Variants in SPATA13 observed in about 807,000 individuals in gnomAD.
SPATA13 encodes the protein spermatogenesis-associated protein 13.
In SPATA13, 50 loss-of-function variants were observed where a neutral mutation model predicts 104.0. The observed-to-expected ratio is 0.48, with a 90% CI of 0.38 to 0.61. The LOEUF (loss-of-function observed/expected upper bound fraction) is 0.61. Among genes scored for constraint, SPATA13 ranks in the 20% least tolerant of loss-of-function variants. The probability of loss-of-function intolerance (pLI) is 0.00; values close to 1 mark genes in which losing one functional copy is unlikely to be tolerated. For synonymous variants in SPATA13, 606 were observed against 667.5 expected (o/e 0.91, Z 1.42); for missense variants, 1,524 against 1,690.6 (o/e 0.90, Z 1.73).
chr13:24,049,549 G>A (rs1448253295), intron 3 of SPATA13, among the ~76,000 whole-genome samples: 1 of 152,110 alleles, frequency 6.6e-6, no homozygotes, highest in East Asian at 1.9e-4. Flanking sequence ...CTAAGAAGGT[G>A]TTGGTGGTCA....
intron 3 of SPATA13, among the ~76,000 whole-genome samples, chr13:24,025,907 G>T (rs1877192770): frequency 6.6e-6 from 1 of 151,356 alleles, no homozygotes. Flanking sequence ...CAGGTTCAAA[G>T]GATTCTCCTG....
In SPATA13 at chr13:24,189,646, TA is replaced by T. The variant is rs374604265; in HGVS notation, c.-112+28715del. On this transcript the variant is annotated intron_variant, in intron 1 of 12. Transcript: ENST00000382108. The stretch of plus-strand genomic sequence containing the variant: ...TTATATAAATATATATATTTATATA[TA>T]TATTATATATTATATATTTATATAT... Among the ~76,000 whole-genome samples, 2 of 9,180 alleles carry T rather than the reference TA, an allele frequency of 2.2e-4. 1 individual carries two copies. The highest frequency in any genetic ancestry group is 4.3e-3 in the Non-Finnish European group (2 of 462). 6.0% of individuals were successfully genotyped at this position (9,180 alleles called of 152,430 possible).
At chr13:24,173,673 G>T (rs775253687) in intron 1 of SPATA13, among the ~76,000 whole-genome samples, 4 of 152,018 alleles carry the variant, frequency 2.6e-5, no homozygotes, top group Non-Finnish European at 5.9e-5. Flanking sequence ...TGAAGAATGG[G>T]TGTTGAATTT....
chr13:24,204,036 G>T (rs1870564043), intron 1 of SPATA13, among the ~76,000 whole-genome samples: 1 of 152,124 alleles, frequency 6.6e-6, no homozygotes, highest in Non-Finnish European at 1.5e-5. Flanking sequence ...CTGCACAGCT[G>T]CTTGGTTTAA....
intron 5 of SPATA13, among the ~76,000 whole-genome samples, chr13:24,285,235 C>T (rs1450008652): frequency 6.6e-6 from 1 of 152,120 alleles, no homozygotes; most frequent in Non-Finnish European, 1.5e-5. Flanking sequence ...CAAGATCATG[C>T]TATGTTCTCT....
intron 3 of SPATA13, among the ~76,000 whole-genome samples, chr13:24,082,901 T>C (rs1015796684): frequency 2.0e-5 from 3 of 149,456 alleles, no homozygotes; most frequent in African/African-American, 7.4e-5. Flanking sequence ...GAAAAACTTC[T>C]AAATCGTCTC....
intron 1 of SPATA13, among the ~76,000 whole-genome samples, chr13:24,204,176 G>C (rs1870572159): frequency 6.6e-6 from 1 of 152,232 alleles, no homozygotes; most frequent in Admixed American, 6.5e-5. Context: ...CCGAATGCCT[G>C]TTATGTGTTA....
intron 1 of SPATA13, among the ~76,000 whole-genome samples, chr13:24,203,543 A>G (rs977473561): frequency 6.6e-6 from 1 of 152,026 alleles, no homozygotes; most frequent in Admixed American, 6.5e-5. Flanking sequence ...TGGATGTGAC[A>G]TGTAAGGCTC....
At chr13:24,048,994 G>A (rs902954454) in intron 3 of SPATA13, among the ~76,000 whole-genome samples, 10 of 152,058 alleles carry the variant, frequency 6.6e-5, no homozygotes, top group African/African-American at 2.4e-4. Flanking sequence ...GAAATTAATT[G>A]GGATAGGAAC....
rs746941083 is a variant in SPATA13 at position 24,140,470 on chromosome 13, G to A, written c.-111-82349G>A. The stretch of plus-strand genomic sequence containing the variant: ...AACCTTTATAAACAAGAAATTTAGT[G>A]GAACCTGGGTTAAGCGATTCTGGAA... On this transcript the variant is annotated intron_variant, in intron 3 of 14. Coordinates refer to the SPATA13 transcript ENST00000424834. Among the ~76,000 whole-genome samples the A allele has an allele frequency of 9.0e-4, 137 of 152,200 alleles. 1 individual carries two copies. Among genetic ancestry groups the A allele is most frequent in the Non-Finnish European group, 8.2e-4 (56 of 68,036 alleles).
At chr13:24,149,705 C>T (rs534149923) in intron 3 of SPATA13, among the ~76,000 whole-genome samples, 24 of 152,172 alleles carry the variant, frequency 1.6e-4, no homozygotes, top group Admixed American at 4.6e-4. Flanking sequence ...AGCTCCCACC[C>T]ATGTGGGGAA....
chr13:24,286,083 TG>T lies in SPATA13; in HGVS notation c.2302-129del. On this transcript the variant is annotated intron_variant, in intron 5 of 12. Coordinates refer to ENST00000382108, the MANE Select transcript of SPATA13 (RefSeq NM_001166271.3). The surrounding 1 kb of genome is among the most constrained non-coding windows in gnomAD (Gnocchi z 4.9). ...TGTGTAACCAGTCACATAGTCAGTG[TG>T]GACCAAATGCCACCAGCATATCCAA... The T allele has an allele frequency of 1.2e-6, 1 of 837,002 alleles. No individual in the cohort carries two copies. The allele number at this position is 837,002 out of a possible 1,614,324, so 51.8% of individuals were successfully genotyped here.
chr13:24,256,374 T>A (rs79445263), intron 4 of SPATA13, among the ~76,000 whole-genome samples: 2,297 of 152,206 alleles, frequency 0.015, 58 homozygotes, highest in Admixed American at 0.047. Context: ...GTGCTTGGGG[T>A]GATGATATGC....
chr13:24,159,581 T>C (rs1882382548), upstream of SPATA13, among the ~76,000 whole-genome samples: 1 of 152,188 alleles, frequency 6.6e-6, no homozygotes, highest in African/African-American at 2.4e-5. Flanking sequence ...GCCCATGTTG[T>C]TACATTAAGA....
At chr13:24,080,851 TC>T (rs796506306) in intron 3 of SPATA13, among the ~76,000 whole-genome samples, 23 of 152,316 alleles carry the variant, frequency 1.5e-4, no homozygotes, top group African/African-American at 5.3e-4. Context: ...AGTCTTATCT[TC>T]CTCCAAAGAG....
At chr13:24,219,701 TTTCA>T (rs1015375874) in intron 1 of SPATA13, among the ~76,000 whole-genome samples, 20 of 152,178 alleles carry the variant, frequency 1.3e-4, no homozygotes, top group African/African-American at 4.3e-4. Flanking sequence ...GAGTAAGGGA[TTTCA>T]TTCATTGCAG....
intron 3 of SPATA13, among the ~76,000 whole-genome samples, chr13:24,126,404 G>T (rs576964672): frequency 3.0e-4 from 46 of 152,196 alleles, no homozygotes; most frequent in Non-Finnish European, 5.7e-4. Flanking sequence ...CTGACAGATT[G>T]CTCCTCAGTA....
chr13:24,268,231 A>C (rs2138690371), intron 4 of SPATA13, among the ~76,000 whole-genome samples: 1 of 152,360 alleles, frequency 6.6e-6, no homozygotes, highest in Non-Finnish European at 1.5e-5. Flanking sequence ...TAGATACAAT[A>C]TACAGTGGTT....
chr13:24,042,951 T>G (rs1877987609), intron 3 of SPATA13, among the ~76,000 whole-genome samples: 1 of 152,186 alleles, frequency 6.6e-6, no homozygotes, highest in African/African-American at 2.4e-5. Context: ...TAAAAATACC[T>G]CCGTAAATAT....
Sources: allele counts gnomAD v4.1 joint callset (sites outside exome capture counted in the v4.1 genomes callset), GRCh38; gene constraint gnomAD v4.1.1; non-coding constraint Gnocchi (gnomAD v3.1); transcripts MANE v1.5; gene names NCBI Gene and HGNC (gene_info 2026-07-23, HGNC 2026-07-21).